Variants in SUPV3L1 observed in about 807,000 individuals in gnomAD.
SUPV3L1 encodes Suv3 like RNA helicase, also known as ATP-dependent RNA helicase SUPV3L1, mitochondrial.
In SUPV3L1, 35 loss-of-function variants were observed where a neutral mutation model predicts 70.0. The ratio of observed to expected loss-of-function variants is 0.50; its 90% confidence interval spans 0.38 to 0.66. The LOEUF is 0.66. Among genes scored for constraint, SUPV3L1 ranks in the 30% least tolerant of loss-of-function variants. SUPV3L1 has a pLI of 0.00. For synonymous variants in SUPV3L1, 364 were observed against 341.9 expected, an observed-to-expected ratio of 1.06 and a Z score of -0.71; for missense variants, 777 against 961.5, an observed-to-expected ratio of 0.81 and a Z score of 2.54.
intron 7 of SUPV3L1, among the ~76,000 whole-genome samples, chr10:69,196,405 C>G (rs1382344006): frequency 6.6e-6 from 1 of 151,870 alleles, no homozygotes; most frequent in Non-Finnish European, 1.5e-5. Flanking sequence ...GCACAAGAAT[C>G]ACTTGAGCCT....
intron 12 of SUPV3L1, 45 bp from the exon 13 acceptor site, chr10:69,202,822 A>T: frequency 6.5e-7 from 1 of 1,549,550 alleles, no homozygotes; most frequent in Non-Finnish European, 8.8e-7. Context: ...TGTTCATTTT[A>T]ATTCACTTAG....
intron 6 of SUPV3L1, 56 bp downstream of exon 6, chr10:69,191,822 T>C (rs1842406859): frequency 1.4e-6 from 2 of 1,383,812 alleles, no homozygotes; most frequent in Non-Finnish European, 2.0e-6. Context: ...TTTTTTTTTT[T>C]TCAAGACAGA....
chr10:69,197,115 G>A (rs1225399722), intron 8 of SUPV3L1, 32 bp downstream of exon 8: 1 of 1,596,332 alleles, frequency 6.3e-7, no homozygotes, highest in Admixed American at 1.7e-5. Context: ...TCTCCAGGTG[G>A]CATATCAAAT....
intron 7 of SUPV3L1, 74 bp downstream of exon 7, chr10:69,195,339 T>C (rs1416062410): frequency 5.9e-6 from 7 of 1,190,274 alleles, no homozygotes; most frequent in Admixed American, 2.6e-5. Flanking sequence ...CTGCTTGCCA[T>C]TGCCAACCAA....
rs1202328891 is a variant in SUPV3L1 at position 69,180,358 on chromosome 10, G to A, written c.67G>A (p.Ala23Thr). The change falls in exon 1 of 15, where the codon GCC becomes ACC. Residue 23 changes from alanine (A) to threonine (T), a missense_variant. By Grantham distance (58) the Ala-to-Thr change is moderately conservative. Around this residue, in one of 2 missense-constraint regions of SUPV3L1, gnomAD observed 158 missense variants for 138.3 expected, o/e 1.14. Coordinates refer to ENST00000359655, the MANE Select transcript of SUPV3L1 (RefSeq NM_003171.5). ...GGGGCGCCAGGCTGGCCACCGGGCAGCCATCTGCTCTGCCCTTCGTCCCCA... is the reference window on the plus strand; with the variant it reads ...GGGGCGCCAGGCTGGCCACCGGGCAACCATCTGCTCTGCCCTTCGTCCCCA... ...PAGRQAGHRAAICSALRPHFG... is the reference protein window; with the variant it reads ...PAGRQAGHRATICSALRPHFG... The A allele has an allele frequency of 1.9e-6, 3 of 1,614,218 alleles. No homozygotes were observed. Among genetic ancestry groups the A allele is most frequent in the East Asian group, 2.2e-5 (1 of 44,890 alleles).
At chr10:69,197,494 G>A (rs540787634) in intron 8 of SUPV3L1, among the ~76,000 whole-genome samples, 22 of 152,292 alleles carry the variant, frequency 1.4e-4, no homozygotes, top group African/African-American at 5.3e-4. Flanking sequence ...AATTCTTAGA[G>A]TTGGAAGTAA....
At chr10:69,185,239 C>T (rs1842186701) in intron 1 of SUPV3L1, among the ~76,000 whole-genome samples, 1 of 152,196 alleles carries the variant, frequency 6.6e-6, no homozygotes, top group Non-Finnish European at 1.5e-5. Flanking sequence ...AATCTTTTAT[C>T]CCTGAAATCA....
chr10:69,193,742 C>T (rs139550530), intron 6 of SUPV3L1, among the ~76,000 whole-genome samples: 1,526 of 152,180 alleles, frequency 0.01, 8 homozygotes, highest in Middle Eastern at 0.048. Context: ...GATGATTGTT[C>T]AATATAAAAT....
chr10:69,187,769 A>C lies in SUPV3L1; in HGVS notation c.572+13A>C. On this transcript the variant is annotated intron_variant, in intron 4 of 14. Transcript: ENST00000359655. Reference sequence around the variant, plus strand: ...TACCACCTAACTGGTTAGTTTCTCCATTTGTGGATTTGAAATTTTCAGTTT... The same window carrying C: ...TACCACCTAACTGGTTAGTTTCTCCCTTTGTGGATTTGAAATTTTCAGTTT... The C allele has an allele frequency of 3.3e-6, 5 of 1,520,386 alleles. No individual in the cohort carries two copies. Among genetic ancestry groups the C allele is most frequent in the Non-Finnish European group, 4.5e-6 (5 of 1,117,312 alleles). The allele number at this position is 1,520,386 out of a possible 1,614,324, so 94.2% of individuals were successfully genotyped here. A position where few individuals can be genotyped will look rare whatever the true frequency, so the allele number is the denominator to read the frequency against.
chr10:69,202,799 G>C, intron 12 of SUPV3L1, 68 bp from the exon 13 acceptor site: 1 of 1,455,686 alleles, frequency 6.9e-7, no homozygotes, highest in Non-Finnish European at 9.4e-7. Flanking sequence ...ATAGACTTGA[G>C]TATGTTATTC....
Position 69,191,769 on chromosome 10 carries a change from A to T in SUPV3L1, c.853+3A>T. 6.3e-7 allele frequency: 1 copy of T among 1,594,258 alleles called. No homozygotes were observed. The highest frequency in any genetic ancestry group is 8.6e-7 in the Non-Finnish European group (1 of 1,164,012). On this transcript the variant is annotated splice_donor_region_variant and intron_variant, in intron 6 of 14. Coordinates refer to ENST00000359655, the MANE Select transcript of SUPV3L1 (RefSeq NM_003171.5). ...GATGTGCAGTGTTACAACTCCTTGT[A>T]TGTATATGCTGTTTAAGAAACTATG... is the stretch of plus-strand genomic sequence containing the variant.
intron 11 of SUPV3L1, among the ~76,000 whole-genome samples, chr10:69,202,048 G>A (rs1355229181): frequency 6.8e-6 from 1 of 147,870 alleles, no homozygotes; most frequent in African/African-American, 2.5e-5. Flanking sequence ...ACCATGTTGG[G>A]CAGGATGGTC....
intron 6 of SUPV3L1, chr10:69,192,650 G>C (rs1027814787): frequency 6.6e-6 from 1 of 152,124 alleles, no homozygotes; most frequent in African/African-American, 2.4e-5. Context: ...GGATATTTAG[G>C]TTGTTTAAAG....
At chr10:69,184,652 C>G (rs1030387650) in intron 1 of SUPV3L1, among the ~76,000 whole-genome samples, 25 of 149,660 alleles carry the variant, frequency 1.7e-4, no homozygotes, top group African/African-American at 6.0e-4. Context: ...CACACACACA[C>G]TGTGTGTGTA....
chr10:69,200,084 C>A (rs1164301260), intron 10 of SUPV3L1, among the ~76,000 whole-genome samples, 196 bp from the exon 11 acceptor site: 1 of 151,504 alleles, frequency 6.6e-6, no homozygotes, highest in African/African-American at 2.4e-5. Context: ...GGCCTCAAAA[C>A]AATCCTCCTG....
chr10:69,185,976 C>T lies in SUPV3L1; in HGVS notation c.272-11C>T, dbSNP rs751434314. 2 of 1,594,922 alleles carry T rather than the reference C, an allele frequency of 1.3e-6. No homozygotes were observed. The highest frequency in any genetic ancestry group is 2.7e-5 in the African/African-American group (2 of 73,940). ...ATAAGGAAACGTTAAATTTTGACAT[C>T]TCTCTTCTAGATGAAGTAAAGAAGG... On this transcript the variant is annotated splice_polypyrimidine_tract_variant and intron_variant, in intron 1 of 14. Coordinates refer to ENST00000359655, the MANE Select transcript of SUPV3L1 (RefSeq NM_003171.5).
At chr10:69,205,508 A>G (rs768315025) in intron 13 of SUPV3L1, among the ~76,000 whole-genome samples, 1 of 152,136 alleles carries the variant, frequency 6.6e-6, no homozygotes, top group Non-Finnish European at 1.5e-5. Flanking sequence ...CTGAGTAGCT[A>G]GGACTACAGG....
intron 9 of SUPV3L1, 39 bp from the exon 10 acceptor site, chr10:69,199,065 C>A: frequency 6.6e-7 from 1 of 1,508,932 alleles, no homozygotes. Flanking sequence ...TAATAAAAGA[C>A]TGAGAACACT....
intron 13 of SUPV3L1, among the ~76,000 whole-genome samples, chr10:69,203,923 CTA>C (rs1842754260): frequency 6.6e-6 from 1 of 151,704 alleles, no homozygotes; most frequent in Admixed American, 6.6e-5. Context: ...ACAGATCTCT[CTA>C]TGTTACCCAG....
Sources: gnomAD v4.1 joint callset for allele counts (sites outside exome capture counted in the v4.1 genomes callset) on GRCh38, gnomAD v4.1.1 for gene constraint, gnomAD v4.1.1 regional missense constraint, MANE v1.5 for transcripts, NCBI Gene and HGNC (gene_info 2026-07-23, HGNC 2026-07-21) for gene names.